LIMA1: variants seen among roughly 807,000 people sequenced by gnomAD.
LIMA1 encodes the protein LIM domain and actin-binding protein 1.
Under a neutral mutation model 62.6 loss-of-function variants are expected in LIMA1, and 52 were observed. That is an observed-to-expected ratio of 0.83 (90% CI 0.67 to 1.05). The LOEUF (loss-of-function observed/expected upper bound fraction) is 1.05, where lower values mean the gene tolerates loss of function less well. Ranked by LOEUF, LIMA1 falls within the 50% of genes least tolerant of loss-of-function variation. The pLI is 0.00. For missense variants in LIMA1, 780 were observed against 902.2 expected, an observed-to-expected ratio of 0.86 and a Z score of 1.74; for synonymous variants, 302 against 317.8, an observed-to-expected ratio of 0.95 and a Z score of 0.53.
At chr12:50,182,355 G>A (rs1450773468) in intron 9 of LIMA1, among the ~76,000 whole-genome samples, 1 of 152,068 alleles carries the variant, frequency 6.6e-6, no homozygotes, top group South Asian at 2.1e-4. Flanking sequence ...TGGGGGAAGG[G>A]GTCGGGGGGG....
At chr12:50,271,444 T>C (rs6580735) in intron 1 of LIMA1, among the ~76,000 whole-genome samples, 48,740 of 151,970 alleles carry the variant, frequency 0.32, 8,095 homozygotes, top group South Asian at 0.48. Flanking sequence ...ATTTGGTTCT[T>C]TCCCTCCCCG....
rs763713078 is a variant in LIMA1 at position 50,198,205 on chromosome 12, G to A, written c.973-2318C>T. 6.6e-5 allele frequency among the ~76,000 whole-genome samples: 10 copies of A among 152,252 alleles called. No homozygotes were observed. The South Asian group carries it at 1.7e-3, about 25-fold the overall frequency. ...TAGTATATCTCATGAGTTCCTGTTA[G>A]TATTCTGACAATATACCATCCTACT... On this transcript the variant is annotated intron_variant, in intron 7 of 10. Transcript: ENST00000341247.
chr12:50,205,905 A>T, intron 5 of LIMA1, 79 bp downstream of exon 5: 1 of 980,462 alleles, frequency 1.0e-6, no homozygotes. Flanking sequence ...CTTTAAAAGC[A>T]TTGGCTTCGA....
chr12:50,193,540 T>TATATGATATATATG (rs1940836001), intron 8 of LIMA1, among the ~76,000 whole-genome samples: 2 of 138,280 alleles, frequency 1.4e-5, no homozygotes, highest in African/African-American at 5.5e-5. Context: ...ATATGATATA[T>TATATGATATATATG]ATATACATAT....
intron 1 of LIMA1, among the ~76,000 whole-genome samples, chr12:50,254,298 T>C (rs1360140517): frequency 2.6e-5 from 4 of 152,148 alleles, no homozygotes; most frequent in Non-Finnish European, 1.5e-5. Flanking sequence ...ATGGTATACA[T>C]AGAAAGGGGA....
At chr12:50,185,513 C>G in intron 9 of LIMA1, 2 of 455,290 alleles carry the variant, frequency 4.4e-6, no homozygotes, top group South Asian at 3.1e-5. Context: ...GAGAGCTTTA[C>G]TGCAGCTGAG....
At chr12:50,228,595 C>T (rs1045268401) in intron 3 of LIMA1, among the ~76,000 whole-genome samples, 8 of 152,226 alleles carry the variant, frequency 5.3e-5, no homozygotes, top group African/African-American at 1.9e-4. Context: ...ACACTCACTT[C>T]CTAGCTTATA....
chr12:50,198,408 G>T (rs1252379739), intron 7 of LIMA1, among the ~76,000 whole-genome samples: 1 of 152,022 alleles, frequency 6.6e-6, no homozygotes, highest in African/African-American at 2.4e-5. Context: ...AAATAAATTA[G>T]CCAGATGTGG....
intron 1 of LIMA1, among the ~76,000 whole-genome samples, chr12:50,267,506 C>T (rs916184854): frequency 6.6e-6 from 1 of 151,394 alleles, no homozygotes; most frequent in Admixed American, 6.6e-5. Context: ...TGTGAATCAC[C>T]GTGCCCCCTG....
At chr12:50,268,393 G>C (rs531596320) in intron 1 of LIMA1, among the ~76,000 whole-genome samples, 94 of 152,200 alleles carry the variant, frequency 6.2e-4, no homozygotes, top group African/African-American at 2.2e-3. Flanking sequence ...CTCATATGGA[G>C]TCCAAACATG....
intron 1 of LIMA1, among the ~76,000 whole-genome samples, chr12:50,258,639 CTTT>C (rs34324226): frequency 1.5e-5 from 1 of 67,404 alleles, no homozygotes; most frequent in South Asian, 6.4e-4. Context: ...TCTACCTATA[CTTT>C]TTTTTTTTTT....
chr12:50,204,640 A>T lies in LIMA1; in HGVS notation c.776T>A (p.Leu259His). 6.2e-7 allele frequency: 1 copy of T among 1,614,206 alleles called. No individual in the cohort carries two copies. The highest frequency in any genetic ancestry group is 8.5e-7 in the Non-Finnish European group (1 of 1,180,028). The stretch of plus-strand genomic sequence containing the variant: ...TATAGAGGTTTCTGAGAGGCGTGGA[A>T]GTTCCAGATTTCGTCTACTCTCATT... ...EKNESRRNLELPRLSETSIKD... is the reference protein window; with the variant it reads ...EKNESRRNLEHPRLSETSIKD... Residue 259 changes from leucine to histidine, a missense_variant, in exon 6 of 11, where the codon CTT becomes CAT. Leu to His is a moderately conservative substitution (Grantham distance 99). Transcript: ENST00000341247.
intron 4 of LIMA1, among the ~76,000 whole-genome samples, chr12:50,218,790 C>T (rs1941392667): frequency 6.6e-6 from 1 of 151,696 alleles, no homozygotes; most frequent in South Asian, 2.1e-4. Flanking sequence ...ACCTGTGGCC[C>T]CAGCTATTTG....
At chr12:50,238,943 T>C (rs1332645045) in intron 2 of LIMA1, among the ~76,000 whole-genome samples, 1 of 152,050 alleles carries the variant, frequency 6.6e-6, no homozygotes, top group African/African-American at 2.4e-5. Flanking sequence ...TTGCAACTCA[T>C]ATTTGAGTTT....
chr12:50,274,702 TGTG>T (rs1942255610), intron 1 of LIMA1, among the ~76,000 whole-genome samples: 1 of 152,088 alleles, frequency 6.6e-6, no homozygotes. Context: ...TAACTGGAGT[TGTG>T]GTAGGAACAG....
rs376943210 is a variant in LIMA1 at position 50,223,773 on chromosome 12, C to T, written c.166-1288G>A. Among the ~76,000 whole-genome samples the T allele has an allele frequency of 4.5e-4, 68 of 152,320 alleles. No individual in the cohort carries two copies. In the East Asian group the frequency reaches 9.5e-3, roughly 21 times the overall value. ...AATGTCCCGGCTGGGCGCAGTGGCT[C>T]ATGCCTGTAATCCCAGCACTTTGGG... On this transcript the variant is annotated intron_variant, in intron 3 of 10. Coordinates refer to ENST00000341247, the MANE Select transcript of LIMA1 (RefSeq NM_016357.5).
chr12:50,254,298 TAGAA>T (rs1030269682), intron 1 of LIMA1, among the ~76,000 whole-genome samples: 2 of 152,148 alleles, frequency 1.3e-5, no homozygotes, highest in Admixed American at 1.3e-4. Context: ...ATGGTATACA[TAGAA>T]AGGGGAACAG....
intron 10 of LIMA1, among the ~76,000 whole-genome samples, chr12:50,181,195 T>C (rs761498981): frequency 1.3e-5 from 2 of 150,926 alleles, no homozygotes; most frequent in East Asian, 1.9e-4. Flanking sequence ...TGGAAGTGAC[T>C]GAGGTACACT....
intron 1 of LIMA1, among the ~76,000 whole-genome samples, chr12:50,275,113 T>A (rs576312596): frequency 1.3e-5 from 2 of 152,134 alleles, no homozygotes; most frequent in Admixed American, 6.5e-5. Flanking sequence ...TCCCAGCACT[T>A]TGGGAAGCTG....
Sources: allele counts gnomAD v4.1 joint callset (sites outside exome capture counted in the v4.1 genomes callset), GRCh38; gene constraint gnomAD v4.1.1; transcripts MANE v1.5; gene names NCBI Gene and HGNC (gene_info 2026-07-23, HGNC 2026-07-21).